Variants in ENPP1 observed in about 807,000 individuals in gnomAD.
ENPP1 encodes the protein ectonucleotide pyrophosphatase/phosphodiesterase family member 1.
ENPP1 carries 73 observed loss-of-function variants against 122.8 expected under a neutral mutation model. That is an observed-to-expected ratio of 0.59 (90% CI 0.49 to 0.72). The LOEUF is 0.72. ENPP1 is among the 30% of genes least tolerant of loss of function. ENPP1 has a pLI of 0.00. For synonymous variants in ENPP1, 367 were observed against 391.6 expected, an observed-to-expected ratio of 0.94 and a Z score of 0.74; for missense variants, 978 against 1,128.1, an observed-to-expected ratio of 0.87 and a Z score of 1.91.
intron 17 of ENPP1, 34 bp from the exon 18 acceptor site, chr6:131,876,958 A>G: frequency 6.2e-7 from 1 of 1,606,342 alleles, no homozygotes; most frequent in Non-Finnish European, 8.5e-7. Flanking sequence ...GATTTGAAAC[A>G]TCTAAGTAAC....
chr6:131,830,434 G>A (rs1781596889), intron 1 of ENPP1, among the ~76,000 whole-genome samples: 1 of 152,198 alleles, frequency 6.6e-6, no homozygotes, highest in Non-Finnish European at 1.5e-5. Flanking sequence ...ACTCCCAGCA[G>A]CTGGAGGAGC....
rs10595693 is a variant in ENPP1 at position 131,882,031 on chromosome 6, T to TAATA, written c.2101-289_2101-286dup. 0.16 allele frequency among the ~76,000 whole-genome samples: 22,852 copies of TAATA among 144,490 alleles called. 1,872 individuals carry two copies. The highest frequency in any genetic ancestry group is 0.3 in the Middle Eastern group (84 of 278). 94.8% of individuals were successfully genotyped at this position (144,490 alleles called of 152,430 possible). ...AGACTCCATCTTAAAAAAATAATAA[T>TAATA]AATAAATAAATAAATAAATAAATAA... On this transcript the variant is annotated intron_variant, in intron 20 of 24. Coordinates refer to ENST00000647893, the MANE Select transcript of ENPP1 (RefSeq NM_006208.3).
chr6:131,864,579 G>A lies in ENPP1; in HGVS notation c.1091+8G>A, dbSNP rs368264369. 1.9e-6 allele frequency: 3 copies of A among 1,580,814 alleles called. No homozygotes were observed. The highest frequency in any genetic ancestry group is 2.6e-6 in the Non-Finnish European group (3 of 1,150,518). On this transcript the variant is annotated splice_region_variant and intron_variant, in intron 10 of 24. Coordinates refer to ENST00000647893, the MANE Select transcript of ENPP1 (RefSeq NM_006208.3). ...GCTTCCTAAAGATGAAAGGTCTGTA[G>A]GCAATTAATTTCTATTGTAAATACT...
At chr6:131,812,987 A>G (rs1252892118) in intron 1 of ENPP1, among the ~76,000 whole-genome samples, 1 of 151,944 alleles carries the variant, frequency 6.6e-6, no homozygotes, top group Non-Finnish European at 1.5e-5. Context: ...TTACAGGCAC[A>G]CACCACCACT....
intron 2 of ENPP1, among the ~76,000 whole-genome samples, chr6:131,848,060 G>T (rs1295462902): frequency 2.6e-5 from 4 of 152,122 alleles, no homozygotes; most frequent in East Asian, 3.9e-4. Context: ...CATGGCCGGG[G>T]GTTCTGATGC....
At chr6:131,821,761 C>T (rs769883327) in intron 1 of ENPP1, among the ~76,000 whole-genome samples, 2 of 152,138 alleles carry the variant, frequency 1.3e-5, no homozygotes, top group African/African-American at 2.4e-5. Flanking sequence ...TTCCATCGCA[C>T]GATCAATGGA....
At chr6:131,889,981 G>T (rs1974201) in intron 24 of ENPP1, among the ~76,000 whole-genome samples, 3 of 149,886 alleles carry the variant, frequency 2.0e-5, no homozygotes, top group Admixed American at 6.6e-5. Context: ...TTTAATAATA[G>T]GCATTCTGAG....
chr6:131,890,570 G>T lies in ENPP1; in HGVS notation c.*59G>T. 1 of 1,369,720 alleles carries T rather than the reference G, an allele frequency of 7.3e-7. No homozygotes were observed. Among genetic ancestry groups the T allele is most frequent in the Non-Finnish European group, 1.0e-6 (1 of 958,442 alleles). 84.8% of individuals were successfully genotyped at this position (1,369,720 alleles called of 1,614,324 possible). ...TTGAGAGAACCTTATATTTTATATA[G>T]TCCTCTAGCTACACTATTGCATTGT... On this transcript the variant is annotated 3_prime_UTR_variant, in exon 25 of 25. Transcript: ENST00000647893.
chr6:131,851,188 G>A lies in ENPP1; in HGVS notation c.477G>A (p.Leu159=), dbSNP rs1781876000. 7 of 1,614,084 alleles carry A rather than the reference G, an allele frequency of 4.3e-6. No individual in the cohort carries two copies. The highest frequency in any genetic ancestry group is 5.9e-6 in the Non-Finnish European group (7 of 1,179,954). Residue 159 remains leucine, a synonymous_variant, in exon 4 of 25, where the codon TTG becomes TTA. Transcript: ENST00000647893. ...CNKFRCGEKR[L]TRSLCACSDD... ...AATTCAGGTGTGGTGAGAAAAGGTT[G>A]ACCAGAAGCCTCTGTGCCTGTTCAG... is the stretch of plus-strand genomic sequence containing the variant.
chr6:131,877,866 AATATATATATATAT>A (rs35142604), intron 18 of ENPP1: 32 of 53,024 alleles, frequency 6.0e-4, no homozygotes, highest in African/African-American at 1.6e-3. Flanking sequence ...AAAAAAAAAA[AATATATATATATAT>A]ATATATATAT....
rs1165148100 is a variant in ENPP1, at chr6:131,886,680, G to A, written c.2563G>A (p.Ala855Thr). 2 of 1,613,932 alleles carry A rather than the reference G, an allele frequency of 1.2e-6. No homozygotes were observed. Among genetic ancestry groups the A allele is most frequent in the African/African-American group, 1.3e-5 (1 of 74,914 alleles). ...PLHCENLDTL[A>T]FILPHRTDNS... Reference sequence around the variant, plus strand: ...GCACTGTGAAAACCTAGACACCTTAGCTTTCATTTTGCCTCACAGGACTGA... The same window carrying A: ...GCACTGTGAAAACCTAGACACCTTAACTTTCATTTTGCCTCACAGGACTGA... Residue 855 changes from alanine (A) to threonine (T), a missense_variant, in exon 24 of 25, where the codon GCT becomes ACT. By Grantham distance (58) the Ala-to-Thr change is moderately conservative. Around this residue, in one of 3 missense-constraint regions of ENPP1, gnomAD observed 644 missense variants for 781.5 expected, o/e 0.82. Transcript: ENST00000647893.
rs777367269 is a variant in ENPP1 at position 131,877,024 on chromosome 6, G to A, written c.1756G>A (p.Gly586Arg). The stretch of plus-strand genomic sequence containing the variant: ...GAATTTGACACCGGCTCCTAATAAC[G>A]GAACTCATGGAAGTCTTAACCACCT... ...LLNLTPAPNN[G>R]THGSLNHLLK... is the part of the protein sequence containing the mutation. Residue 586 changes from glycine to arginine, a missense_variant, in exon 18 of 25, where the codon GGA becomes AGA. By Grantham distance (125) the Gly-to-Arg change is moderately radical (BLOSUM62 -2). Coordinates refer to ENST00000647893, the MANE Select transcript of ENPP1 (RefSeq NM_006208.3). 5.6e-6 allele frequency: 9 copies of A among 1,613,864 alleles called. No homozygotes were observed. Among genetic ancestry groups the A allele is most frequent in the African/African-American group, 2.7e-5 (2 of 74,878 alleles).
intron 8 of ENPP1, among the ~76,000 whole-genome samples, chr6:131,860,829 C>T (rs544947137): frequency 6.8e-4 from 103 of 152,176 alleles, no homozygotes; most frequent in African/African-American, 2.0e-3. Context: ...TGTTTTTGAA[C>T]GTCTTGGTTT....
At chr6:131,810,009 A>G (rs1781328160) in intron 1 of ENPP1, among the ~76,000 whole-genome samples, 1 of 152,152 alleles carries the variant, frequency 6.6e-6, no homozygotes, top group Non-Finnish European at 1.5e-5. Context: ...ATTGAATTGG[A>G]AAGAATTCTT....
At chr6:131,846,139 A>G (rs904333250) in intron 1 of ENPP1, among the ~76,000 whole-genome samples, 5 of 152,178 alleles carry the variant, frequency 3.3e-5, no homozygotes, top group Non-Finnish European at 4.4e-5. Flanking sequence ...CTGAATGTCC[A>G]GTACATAGTC....
At chr6:131,861,858 T>C (rs556854150) in intron 9 of ENPP1, among the ~76,000 whole-genome samples, 154 bp downstream of exon 9, 4 of 152,208 alleles carry the variant, frequency 2.6e-5, no homozygotes, top group Admixed American at 2.6e-4. Flanking sequence ...TTTAGATAGA[T>C]GGTAAATGGA....
In ENPP1 at chr6:131,867,915, C is replaced by CTTTG. The variant is rs1444119993; in HGVS notation, c.1165-99_1165-96dup. On this transcript the variant is annotated intron_variant, in intron 11 of 24. Transcript: ENST00000647893. ...TCTATCTGTCTGTCTTTCTTTCTTT[C>CTTTG]TTTGTTTCTTTCTTTTTTTTTTTTT... is the stretch of plus-strand genomic sequence containing the variant. The CTTTG allele has an allele frequency of 4.3e-5, 35 of 812,550 alleles. No homozygotes were observed. In the African/African-American group the frequency reaches 6.2e-4, roughly 14 times the overall value. 50.3% of individuals were successfully genotyped at this position (812,550 alleles called of 1,614,324 possible).
At position 131,886,641 on chromosome 6, in the gene ENPP1, T is replaced by C; in HGVS notation, c.2524T>C (p.Ser842Pro). Residue 842 changes from serine (S) to proline (P), a missense_variant, in exon 24 of 25, where the codon TCT becomes CCT. Coordinates refer to ENST00000647893, the MANE Select transcript of ENPP1 (RefSeq NM_006208.3). ...TGTGCTAACAAGCTGTAAAGATACA[T>C]CTCAGACGCCTTTGCACTGTGAAAA... ...FIVLTSCKDT[S>P]QTPLHCENLD... 6.2e-7 allele frequency: 1 copy of C among 1,613,982 alleles called. No individual in the cohort carries two copies. Among genetic ancestry groups the C allele is most frequent in the African/African-American group, 1.3e-5 (1 of 75,046 alleles).
chr6:131,830,745 A>G (rs2114670315), intron 1 of ENPP1, among the ~76,000 whole-genome samples: 1 of 152,278 alleles, frequency 6.6e-6, no homozygotes, highest in South Asian at 2.1e-4. Context: ...TGAAACAAAA[A>G]TTGTATATAG....
Sources: allele counts gnomAD v4.1 joint callset (sites outside exome capture counted in the v4.1 genomes callset), GRCh38; gene constraint gnomAD v4.1.1; regional missense constraint gnomAD v4.1.1; transcripts MANE v1.5; gene names NCBI Gene and HGNC (gene_info 2026-07-23, HGNC 2026-07-21).